Variants in NECTIN1 observed in about 807,000 individuals in gnomAD.
NECTIN1 encodes nectin cell adhesion molecule 1, also known as nectin-1.
NECTIN1 carries 23 observed loss-of-function variants against 48.0 expected under a neutral mutation model. The observed-to-expected ratio is 0.48, with a 90% CI of 0.34 to 0.68. NECTIN1 has a LOEUF of 0.68. Among genes scored for constraint, NECTIN1 ranks in the 30% least tolerant of loss-of-function variants. The pLI, the probability that NECTIN1 is intolerant of heterozygous loss-of-function variation, is 0.01. For synonymous variants in NECTIN1, 270 were observed against 288.9 expected (o/e 0.93, Z 0.66); for missense variants, 591 against 709.9 (o/e 0.83, Z 1.90).
At chr11:119,686,679 G>A (rs895910880) in intron 1 of NECTIN1, among the ~76,000 whole-genome samples, 1 of 151,954 alleles carries the variant, frequency 6.6e-6, no homozygotes, top group African/African-American at 2.4e-5. Flanking sequence ...TTGCTGCCTC[G>A]GCGAAAACCG....
rs921750320 is a variant in NECTIN1, at chr11:119,663,382, T to C, written c.*1365A>G. 2.1e-5 allele frequency: 21 copies of C among 985,312 alleles called. No homozygotes were observed. The highest frequency in any genetic ancestry group is 2.5e-5 in the Non-Finnish European group (21 of 829,934). 61.0% of individuals were successfully genotyped at this position (985,312 alleles called of 1,614,324 possible). ...TGGCTGATAGGAACTCAATGTCCCATTCAAGAAGGGAATCTGCACTGAAAG... is the reference window on the plus strand; with the variant it reads ...TGGCTGATAGGAACTCAATGTCCCACTCAAGAAGGGAATCTGCACTGAAAG... On this transcript the variant is annotated 3_prime_UTR_variant, in exon 6 of 6. Coordinates refer to ENST00000264025, the MANE Select transcript of NECTIN1 (RefSeq NM_002855.5).
At chr11:119,656,436 G>A (rs572587564), downstream of NECTIN1, 1 of 152,232 alleles carries the variant, frequency 6.6e-6, no homozygotes, top group Non-Finnish European at 1.5e-5. Flanking sequence ...CAAGATCCCA[G>A]TCCTCAAGGG....
intron 1 of NECTIN1, among the ~76,000 whole-genome samples, chr11:119,710,555 G>T (rs1865626236): frequency 1.3e-5 from 2 of 152,188 alleles, no homozygotes; most frequent in South Asian, 4.1e-4. Context: ...AAGAAATGAT[G>T]AATGTGGGGA....
At chr11:119,692,365 C>T (rs1246326628) in intron 1 of NECTIN1, among the ~76,000 whole-genome samples, 2 of 152,058 alleles carry the variant, frequency 1.3e-5, no homozygotes, top group Non-Finnish European at 2.9e-5. Context: ...TCTCTTGGCT[C>T]TGTGCAGAGG....
intron 1 of NECTIN1, among the ~76,000 whole-genome samples, chr11:119,693,611 A>G (rs1865298146): frequency 6.6e-6 from 1 of 152,132 alleles, no homozygotes; most frequent in African/African-American, 2.4e-5. Context: ...GCAGGTGCTC[A>G]TGAAGAGTCA....
At chr11:119,674,527 G>C in intron 5 of NECTIN1, 1 of 1,613,970 alleles carries the variant, frequency 6.2e-7, no homozygotes, top group Non-Finnish European at 8.5e-7. Context: ...GGGGGGCCCT[G>C]TCCAGGGTCA....
intron 5 of NECTIN1, among the ~76,000 whole-genome samples, chr11:119,670,561 G>A (rs747394966): frequency 4.6e-5 from 7 of 152,068 alleles, no homozygotes; most frequent in Non-Finnish European, 8.8e-5. Flanking sequence ...GGTGACAGGA[G>A]GAGTGGTGTG....
At chr11:119,652,177 C>T (rs1375263665) in intron 5 of NECTIN1, among the ~76,000 whole-genome samples, 1 of 152,224 alleles carries the variant, frequency 6.6e-6, no homozygotes, top group Non-Finnish European at 1.5e-5. Flanking sequence ...CAGGAAATTT[C>T]CATTGCTTCG....
At chr11:119,711,613 G>GC (rs1054487159) in intron 1 of NECTIN1, among the ~76,000 whole-genome samples, 3 of 151,146 alleles carry the variant, frequency 2.0e-5, no homozygotes, top group African/African-American at 7.4e-5. Context: ...AGAAGGGGAA[G>GC]GGGGGCTGGT....
chr11:119,701,249 G>A (rs879406405), intron 1 of NECTIN1, among the ~76,000 whole-genome samples: 2 of 152,190 alleles, frequency 1.3e-5, no homozygotes, highest in Non-Finnish European at 2.9e-5. Flanking sequence ...GTGACCTCAT[G>A]AGTATGAAAG....
intron 1 of NECTIN1, among the ~76,000 whole-genome samples, chr11:119,715,099 T>C (rs1865724015): frequency 6.6e-6 from 1 of 152,028 alleles, no homozygotes; most frequent in Non-Finnish European, 1.5e-5. Context: ...TGGAGGGTGG[T>C]GAGTACCCTG....
At position 119,696,627 on chromosome 11, in the gene NECTIN1, G is replaced by A. The variant is rs549005252; in HGVS notation, c.80-17862C>T. ...GGTGAGTCAGGGCTGGGTGTTGGGGGCAAGAGAAAGGGGCAGGAGGTCTGT... is the reference window on the plus strand; with the variant it reads ...GGTGAGTCAGGGCTGGGTGTTGGGGACAAGAGAAAGGGGCAGGAGGTCTGT... On this transcript the variant is annotated intron_variant, in intron 1 of 5. Coordinates refer to ENST00000264025, the MANE Select transcript of NECTIN1 (RefSeq NM_002855.5). Among the ~76,000 whole-genome samples the A allele has an allele frequency of 5.9e-5, 9 of 152,324 alleles. 2 individuals are homozygous for A. In the South Asian group the frequency reaches 1.9e-3, roughly 32 times the overall value.
At chr11:119,649,682 T>C (rs1238030087) in intron 5 of NECTIN1, among the ~76,000 whole-genome samples, 1 of 151,964 alleles carries the variant, frequency 6.6e-6, no homozygotes, top group Non-Finnish European at 1.5e-5. Context: ...AGGGTGAGAC[T>C]CCGTCTCCAA....
chr11:119,728,401 G>A lies in NECTIN1; in HGVS notation c.79+74C>T, dbSNP rs575370590. 7.0e-5 allele frequency: 99 copies of A among 1,416,340 alleles called. No homozygotes were observed. The Admixed American group carries it at 1.9e-3, about 27-fold the overall frequency. The allele number at this position is 1,416,340 out of a possible 1,614,324, so 87.7% of individuals were successfully genotyped here. A position where few individuals can be genotyped will look rare whatever the true frequency, so the allele number is the denominator to read the frequency against. ...TCCTTTCACTCCCCACAATCCAGTC[G>A]TGCCCGCCATCCGGCTCCCAGCCCC... is the stretch of plus-strand genomic sequence containing the variant. On this transcript the variant is annotated intron_variant, in intron 1 of 5. Coordinates refer to ENST00000264025, the MANE Select transcript of NECTIN1 (RefSeq NM_002855.5).
intron 1 of NECTIN1, among the ~76,000 whole-genome samples, chr11:119,723,216 CAAAAA>C (rs34528775): frequency 3.4e-5 from 2 of 59,234 alleles, no homozygotes; most frequent in East Asian, 5.7e-4. Context: ...GACTCTGTCT[CAAAAA>C]AAAAAAAAAA....
At chr11:119,713,823 C>G (rs1009795875) in intron 1 of NECTIN1, 8 of 455,460 alleles carry the variant, frequency 1.8e-5, no homozygotes, top group Non-Finnish European at 3.5e-5. Context: ...CCTCAGAGTT[C>G]GGCGAGGGGA....
chr11:119,682,860 G>T (rs1865083430), intron 1 of NECTIN1, among the ~76,000 whole-genome samples: 1 of 152,162 alleles, frequency 6.6e-6, no homozygotes, highest in African/African-American at 2.4e-5. Context: ...ACTGTAGGGA[G>T]TGCTACTAGG....
chr11:119,680,089 T>C (rs1297253250), intron 1 of NECTIN1, among the ~76,000 whole-genome samples: 2 of 152,208 alleles, frequency 1.3e-5, no homozygotes, highest in Admixed American at 6.5e-5. Context: ...CAAATTGCAA[T>C]GGAAGTCAAG....
chr11:119,677,313 G>T lies in NECTIN1; in HGVS notation c.734-94C>A. The T allele has an allele frequency of 1.7e-6, 2 of 1,194,510 alleles. No individual in the cohort carries two copies. The highest frequency in any genetic ancestry group is 1.5e-5 in the African/African-American group (1 of 67,016). The allele number at this position is 1,194,510 out of a possible 1,614,324, so 74.0% of individuals were successfully genotyped here. A position where few individuals can be genotyped will look rare whatever the true frequency, so the allele number is the denominator to read the frequency against. ...CCAGGAAGGGATGGAAGGAGCAGTG[G>T]CATGGAAACAGCCAGGAGAGAGGGA... On this transcript the variant is annotated intron_variant, in intron 3 of 5. Coordinates refer to ENST00000264025, the MANE Select transcript of NECTIN1 (RefSeq NM_002855.5). This position sits in a 1 kb window ranked among gnomAD's most constrained non-coding sequence, Gnocchi z 5.4.
Sources: allele counts gnomAD v4.1 joint callset (sites outside exome capture counted in the v4.1 genomes callset), GRCh38; gene constraint gnomAD v4.1.1; non-coding constraint Gnocchi (gnomAD v3.1); transcripts MANE v1.5; gene names NCBI Gene and HGNC (gene_info 2026-07-23, HGNC 2026-07-21).